TPM1: variants seen among roughly 807,000 people sequenced by gnomAD.
TPM1 encodes the protein tropomyosin alpha-1 chain.
In TPM1, 24 loss-of-function variants were observed where a neutral mutation model predicts 42.9. The observed-to-expected ratio is 0.56, with a 90% CI of 0.41 to 0.79. TPM1 has a LOEUF of 0.79. TPM1 is among the 30% of genes least tolerant of loss of function. TPM1 has a pLI of 0.00. For synonymous variants in TPM1, 136 were observed against 130.1 expected (o/e 1.05, Z -0.31); for missense variants, 158 against 351.8 (o/e 0.45, Z 4.41).
rs938729095 is a variant in TPM1 at position 63,061,536 on chromosome 15, G to A, written c.564-177G>A. 1.2e-5 allele frequency: 9 copies of A among 749,464 alleles called. No individual in the cohort carries two copies. The African/African-American group carries it at 1.4e-4, about 12-fold the overall frequency. The allele number at this position is 749,464 out of a possible 1,614,324, so 46.4% of individuals were successfully genotyped here. On this transcript the variant is annotated intron_variant, in intron 5 of 9. Coordinates refer to ENST00000403994, the MANE Select transcript of TPM1 (RefSeq NM_001018005.2). ...TCACCCTGCCTTCTGCTGTTGCGAG[G>A]TTGGGGGGCAGTGTTCCTGGAAAAC...
downstream of TPM1, chr15:63,071,042 T>G: frequency 6.2e-7 from 1 of 1,612,362 alleles, no homozygotes; most frequent in South Asian, 1.1e-5. Context: ...ACCACCATTG[T>G]GTCCAAAGCA....
intron 1 of TPM1, chr15:63,043,475 T>C (rs1267066101): frequency 2.8e-6 from 2 of 714,728 alleles, no homozygotes; most frequent in East Asian, 2.8e-5. Context: ...GTAGTGGACT[T>C]GAGCCCGCTG....
At position 63,064,247 on chromosome 15, in the gene TPM1, G is replaced by A. The variant is rs118157590; in HGVS notation, c.851+105G>A. 2,513 of 1,549,404 alleles carry A rather than the reference G, an allele frequency of 1.6e-3. 57 individuals are homozygous for A. The East Asian group carries it at 0.04, about 25-fold the overall frequency. On this transcript the variant is annotated intron_variant, in intron 9 of 9. Transcript: ENST00000403994. ...CCCTAATCTCCATCTTTGCACTCTT[G>A]TGTTCACCCTTTTTGTCATAACCTA...
At chr15:63,059,716 A>G (rs766938826) in intron 4 of TPM1, 36 bp downstream of exon 4, 12 of 1,473,576 alleles carry the variant, frequency 8.1e-6, no homozygotes, top group Non-Finnish European at 1.1e-5. Context: ...GTGGACACCC[A>G]GCAGTGGCCT....
intron 2 of TPM1, chr15:63,046,680 T>G (rs1042541094): frequency 8.5e-5 from 13 of 152,570 alleles, no homozygotes; most frequent in Non-Finnish European, 1.5e-4. Context: ...CCCAATCTCT[T>G]CCCCAGTAAC....
chr15:63,052,276 A>G (rs975458994), intron 2 of TPM1, among the ~76,000 whole-genome samples: 1 of 152,182 alleles, frequency 6.6e-6, no homozygotes, highest in Non-Finnish European at 1.5e-5. Context: ...TAATCCCAAC[A>G]CTTTGGGCGG....
At chr15:63,069,152 CAAA>C (rs1004812170), downstream of TPM1, among the ~76,000 whole-genome samples, 1 of 151,770 alleles carries the variant, frequency 6.6e-6, no homozygotes, top group Non-Finnish European at 1.5e-5. Context: ...GACTAAGTCT[CAAA>C]AAACAAAAAA....
intron 2 of TPM1, chr15:63,045,692 A>G (rs2032248539): frequency 6.6e-6 from 1 of 152,216 alleles, no homozygotes. Flanking sequence ...ATAGGATAAT[A>G]ATTATTGTAA....
rs1265940276 is a variant in TPM1 at position 63,042,973 on chromosome 15, C to T, written c.114+30C>T. ...GCGCCTCCCCGGCCCTGCGCCCGCGCCCAGAGCGCCGGGACTCGAGCCTGG... is the reference window on the plus strand; with the variant it reads ...GCGCCTCCCCGGCCCTGCGCCCGCGTCCAGAGCGCCGGGACTCGAGCCTGG... On this transcript the variant is annotated intron_variant, in intron 1 of 9. Coordinates refer to ENST00000403994, the MANE Select transcript of TPM1 (RefSeq NM_001018005.2). 5.8e-6 allele frequency: 9 copies of T among 1,558,366 alleles called. No homozygotes were observed. In the East Asian group the frequency reaches 1.9e-4, roughly 33 times the overall value.
intron 2 of TPM1, chr15:63,045,168 A>C (rs1421114497): frequency 6.6e-6 from 1 of 152,178 alleles, no homozygotes; most frequent in Non-Finnish European, 1.5e-5. Flanking sequence ...GCAACAGCAG[A>C]CTTTTTTATA....
intron 7 of TPM1, 42 bp from the exon 8 acceptor site, chr15:63,062,534 A>G: frequency 6.2e-7 from 1 of 1,607,900 alleles, no homozygotes; most frequent in South Asian, 1.1e-5. Flanking sequence ...AGCTACAGGA[A>G]ACATAAAACT....
At position 63,066,085 on chromosome 15, in the gene TPM1, T is replaced by C. The variant is rs2036256994; in HGVS notation, c.*186T>C. 6 of 1,516,218 alleles carry C rather than the reference T, an allele frequency of 4.0e-6. No individual in the cohort carries two copies. Among genetic ancestry groups the C allele is most frequent in the Admixed American group, 2.2e-5 (1 of 45,098 alleles). The allele number at this position is 1,516,218 out of a possible 1,614,324, so 93.9% of individuals were successfully genotyped here. A position where few individuals can be genotyped will look rare whatever the true frequency, so the allele number is the denominator to read the frequency against. On this transcript the variant is annotated 3_prime_UTR_variant, in exon 10 of 10. Coordinates refer to ENST00000403994, the MANE Select transcript of TPM1 (RefSeq NM_001018005.2). ...TCGTTTCAGTGTCAAATAAACACTG[T>C]GTAAGCTATTTCTGTTTGCTATTCT...
intron 1 of TPM1, chr15:63,043,526 C>A: frequency 1.0e-6 from 1 of 985,554 alleles, no homozygotes; most frequent in Non-Finnish European, 1.5e-6. Flanking sequence ...GGTGGGTGTG[C>A]GGGGTGAGCC....
chr15:63,069,398 A>T (rs112106749), downstream of TPM1, among the ~76,000 whole-genome samples: 15 of 152,234 alleles, frequency 9.9e-5, no homozygotes, highest in African/African-American at 3.6e-4. Flanking sequence ...GTGAACGGAG[A>T]GGAAAGGGGT....
intron 2 of TPM1, chr15:63,045,968 T>G (rs2032297268): frequency 6.6e-6 from 1 of 152,194 alleles, no homozygotes; most frequent in African/African-American, 2.4e-5. Context: ...CGTAGGAATA[T>G]TGAAGAAGTT....
rs2035646671 is a variant in TPM1, at chr15:63,061,656, TCTC to T, written c.564-51_564-49del. Reference sequence around the variant, plus strand: ...TTTTTTCCCATCCCTCTCCTTTTTCTCTCCTCCTTCCTTTGGCTTGTCTCCCAC... The same window carrying T: ...TTTTTTCCCATCCCTCTCCTTTTTCTCTCCTTCCTTTGGCTTGTCTCCCAC... On this transcript the variant is annotated intron_variant, in intron 5 of 9. Coordinates refer to ENST00000403994, the MANE Select transcript of TPM1 (RefSeq NM_001018005.2). 23 of 1,537,066 alleles carry T rather than the reference TCTC, an allele frequency of 1.5e-5. No homozygotes were observed. The South Asian group carries it at 2.5e-4, about 16-fold the overall frequency.
At position 63,066,116 on chromosome 15, in the gene TPM1, C is replaced by T; in HGVS notation, c.*217C>T. 6.7e-7 allele frequency: 1 copy of T among 1,488,626 alleles called. No individual in the cohort carries two copies. The highest frequency in any genetic ancestry group is 8.9e-7 in the Non-Finnish European group (1 of 1,128,298). 92.2% of individuals were successfully genotyped at this position (1,488,626 alleles called of 1,614,324 possible). ...CTATTTCTGTTTGCTATTCTTTTTA[C>T]TTCTTATTTATTGACATTTTAGTTT... On this transcript the variant is annotated 3_prime_UTR_variant, in exon 10 of 10. Coordinates refer to ENST00000403994, the MANE Select transcript of TPM1 (RefSeq NM_001018005.2).
chr15:63,044,357 T>C (rs1295036665), intron 2 of TPM1: 3 of 763,692 alleles, frequency 3.9e-6, no homozygotes, highest in Admixed American at 2.2e-5. Flanking sequence ...TCTCTTCTTC[T>C]CCTTTCCTTT....
At chr15:63,046,758 G>C (rs1189993430) in intron 2 of TPM1, 6 of 152,542 alleles carry the variant, frequency 3.9e-5, no homozygotes, top group Non-Finnish European at 8.8e-5. Context: ...TCTTAACTTA[G>C]GGATTCTCAA....
Sources: allele counts gnomAD v4.1 joint callset (sites outside exome capture counted in the v4.1 genomes callset), GRCh38; gene constraint gnomAD v4.1.1; transcripts MANE v1.5; gene names NCBI Gene and HGNC (gene_info 2026-07-23, HGNC 2026-07-21).